LY75: variants seen among roughly 807,000 people sequenced by gnomAD.
LY75 encodes C-type lectin domain family 13 member B.
In LY75, 185 loss-of-function variants were observed where a neutral mutation model predicts 231.7. The observed-to-expected ratio is 0.80, with a 90% confidence interval of 0.71 to 0.90. The LOEUF is 0.90. LY75 is among the 40% of genes least tolerant of loss of function. LY75 has a pLI of 0.00. For synonymous variants in LY75, 668 were observed against 689.0 expected, an observed-to-expected ratio of 0.97 and a Z score of 0.48; for missense variants, 1,947 against 2,050.2, an observed-to-expected ratio of 0.95 and a Z score of 0.97.
chr2:159,807,959 A>T, intron 33 of LY75: 1 of 941,806 alleles, frequency 1.1e-6, no homozygotes, highest in Non-Finnish European at 1.3e-6. Flanking sequence ...CACCAACCTA[A>T]CACTAAGACA....
intron 4 of LY75, among the ~76,000 whole-genome samples, chr2:159,887,566 C>CAAAAAAAAAAAAAAAAAAAAAAA (rs369452762): frequency 6.7e-5 from 7 of 103,798 alleles, no homozygotes; most frequent in Non-Finnish European, 8.9e-5. Context: ...TCAACAACAA[C>CAAAAAAAAAAAAAAAAAAAAAAA]AAAAAAAAAA....
At chr2:159,808,697 G>T (rs752722052) in intron 32 of LY75, 126 bp from the exon 33 acceptor site, 109 of 1,343,160 alleles carry the variant, frequency 8.1e-5, no homozygotes, top group Non-Finnish European at 1.0e-4. Context: ...GCCTTACACA[G>T]AGACAGTTTT....
chr2:159,899,896 TCA>T (rs1358691037), intron 1 of LY75, among the ~76,000 whole-genome samples: 6 of 152,210 alleles, frequency 3.9e-5, no homozygotes, highest in Admixed American at 3.9e-4. Flanking sequence ...CTCAGTTTCA[TCA>T]CAGTCGTCTG....
chr2:159,874,681 ATGTAAATATATATATTT>A (rs1486435840), intron 12 of LY75, among the ~76,000 whole-genome samples: 2 of 12,562 alleles, frequency 1.6e-4, no homozygotes, highest in African/African-American at 7.3e-4. Context: ...TTGTAAATAT[ATGTAAATATATATATTT>A]TGTAAATATA....
Position 159,807,041 on chromosome 2 carries a change from G to T in LY75, c.4922C>A (p.Ser1641Ter). The change falls in exon 34 of 35, where the codon TCA becomes TAA. Residue 1641 changes from serine (S) to a stop codon, truncating the protein, a stop_gained. Coordinates refer to ENST00000263636, the MANE Select transcript of LY75 (RefSeq NM_002349.4). LOFTEE classifies it high-confidence loss of function. ...GVGRCSMLIASNETWKKVECE... is the reference protein window; with the variant it reads ...GVGRCSMLIA ...TTCAACTTTTTTCCAAGTTTCATTTGAAGCTATCAACATGCTACATCTTCC... is the reference window on the plus strand; with the variant it reads ...TTCAACTTTTTTCCAAGTTTCATTTTAAGCTATCAACATGCTACATCTTCC... 1 of 1,613,824 alleles carries T rather than the reference G, an allele frequency of 6.2e-7. No individual in the cohort carries two copies. The highest frequency in any genetic ancestry group is 8.5e-7 in the Non-Finnish European group (1 of 1,179,886).
chr2:159,866,368 T>C (rs982988122), intron 13 of LY75, among the ~76,000 whole-genome samples: 4 of 152,216 alleles, frequency 2.6e-5, no homozygotes, highest in Non-Finnish European at 4.4e-5. Context: ...TAAGTACTTT[T>C]TCATCTTTTC....
intron 28 of LY75, among the ~76,000 whole-genome samples, chr2:159,823,610 T>C (rs1001659419): frequency 6.6e-6 from 1 of 152,086 alleles, no homozygotes; most frequent in African/African-American, 2.4e-5. Flanking sequence ...AACCCAAAGA[T>C]ACTCCTCGAG....
At chr2:159,808,119 C>G in intron 33 of LY75, 1 of 985,330 alleles carries the variant, frequency 1.0e-6, no homozygotes, top group Non-Finnish European at 1.2e-6. Flanking sequence ...TAAGAGAAGG[C>G]AGGCATGGGT....
Position 159,875,400 on chromosome 2 carries a change from G to A in LY75, c.1974+44C>T, listed in dbSNP as rs771672241. 1.0e-4 allele frequency: 161 copies of A among 1,596,166 alleles called. No homozygotes were observed. The Middle Eastern group carries it at 1.7e-3, about 17-fold the overall frequency. On this transcript the variant is annotated intron_variant, in intron 12 of 34. Transcript: ENST00000263636. ...TACAAGGACATGAACAAGGGTAGTGGAAAAATAACTTCATTGAAGGATAGA... is the reference window on the plus strand; with the variant it reads ...TACAAGGACATGAACAAGGGTAGTGAAAAAATAACTTCATTGAAGGATAGA...
intron 5 of LY75, among the ~76,000 whole-genome samples, chr2:159,886,122 CT>C (rs767791434): frequency 6.6e-6 from 1 of 152,136 alleles, no homozygotes; most frequent in Non-Finnish European, 1.5e-5. Context: ...ATGCCAAGTC[CT>C]TTAGGGACAT....
At chr2:159,853,537 T>C in intron 19 of LY75, 93 bp downstream of exon 19, 1 of 1,577,306 alleles carries the variant, frequency 6.3e-7, no homozygotes, top group South Asian at 1.1e-5. Context: ...GGATTAATAT[T>C]CAAACTACTT....
intron 6 of LY75, among the ~76,000 whole-genome samples, chr2:159,884,612 G>A (rs968769637): frequency 6.6e-6 from 1 of 152,180 alleles, no homozygotes; most frequent in African/African-American, 2.4e-5. Context: ...ACAAGGTAGA[G>A]AAGCCTGGGC....
intron 2 of LY75, among the ~76,000 whole-genome samples, chr2:159,895,932 C>CA (rs1196282529): frequency 6.6e-6 from 1 of 152,214 alleles, no homozygotes; most frequent in Non-Finnish European, 1.5e-5. Flanking sequence ...CTTAGCAAGA[C>CA]AGACTTTCCT....
At chr2:159,816,193 A>C (rs563616408) in intron 30 of LY75, among the ~76,000 whole-genome samples, 1 of 152,320 alleles carries the variant, frequency 6.6e-6, no homozygotes, top group South Asian at 2.1e-4. Flanking sequence ...TTTTTTGTAC[A>C]CAAGACCCTA....
intron 1 of LY75, among the ~76,000 whole-genome samples, chr2:159,903,906 C>T (rs989493574): frequency 3.3e-5 from 5 of 152,196 alleles, no homozygotes; most frequent in African/African-American, 9.7e-5. Flanking sequence ...GCAGCAGGTC[C>T]CCAAGCAGGC....
At position 159,893,956 on chromosome 2, in the gene LY75, T is replaced by C; in HGVS notation, c.595A>G (p.Asn199Asp). Reference sequence around the variant, plus strand: ...CCCCACTTTCGGTCATATTCATAATTTAAGGTGGTGGCACACCATGGCCCA... The same window carrying C: ...CCCCACTTTCGGTCATATTCATAATCTAAGGTGGTGGCACACCATGGCCCA... Reference protein sequence around the residue: ...HSGPWCATTLNYEYDRKWGIC... With the variant: ...HSGPWCATTLDYEYDRKWGIC... The change falls in exon 3 of 35, where the codon AAT becomes GAT. Residue 199 changes from asparagine (N) to aspartate (D), a missense_variant. Transcript: ENST00000263636. The C allele has an allele frequency of 1.9e-6, 3 of 1,613,758 alleles. No individual in the cohort carries two copies. In the African/African-American group the frequency reaches 4.0e-5, roughly 22 times the overall value.
At chr2:159,882,035 G>A (rs1685452226) in intron 7 of LY75, 89 bp downstream of exon 7, 16 of 1,461,466 alleles carry the variant, frequency 1.1e-5, no homozygotes, top group Non-Finnish European at 1.5e-5. Flanking sequence ...GGATCAAACT[G>A]TAAGCTTTTC....
intron 23 of LY75, among the ~76,000 whole-genome samples, chr2:159,849,548 T>C (rs868089201): frequency 2.0e-5 from 3 of 152,328 alleles, no homozygotes; most frequent in Middle Eastern, 3.4e-3. Flanking sequence ...TATATGGTTA[T>C]GAAATAAGTG....
Position 159,875,645 on chromosome 2 carries a change from TG to T in LY75, c.1775-3del. 1.2e-6 allele frequency: 2 copies of T among 1,613,706 alleles called. No homozygotes were observed. Among genetic ancestry groups the T allele is most frequent in the South Asian group, 2.2e-5 (2 of 91,038 alleles). On this transcript the variant is annotated splice_polypyrimidine_tract_variant and splice_region_variant and intron_variant, in intron 11 of 34. Transcript: ENST00000263636. ...TAGCCACGCAGCCGCCCGGGGAAGCTGGGATTGAAGTGGAAAGCTCAATTAA... is the reference window on the plus strand; with the variant it reads ...TAGCCACGCAGCCGCCCGGGGAAGCTGGATTGAAGTGGAAAGCTCAATTAA...
Sources: allele counts gnomAD v4.1 joint callset (sites outside exome capture counted in the v4.1 genomes callset), GRCh38; gene constraint gnomAD v4.1.1; transcripts MANE v1.5; gene names NCBI Gene and HGNC (gene_info 2026-07-23, HGNC 2026-07-21).